HECW1: variants seen among roughly 807,000 people sequenced by gnomAD.
The protein encoded by HECW1 is E3 ubiquitin-protein ligase HECW1.
In HECW1, 61 loss-of-function variants were observed where a neutral mutation model predicts 182.3. The ratio of observed to expected loss-of-function variants is 0.33; its 90% CI spans 0.27 to 0.41. The LOEUF (loss-of-function observed/expected upper bound fraction) is 0.41. HECW1 is among the 10% of genes least tolerant of loss of function. The pLI is 1.00. For synonymous variants in HECW1, 859 were observed against 832.6 expected, an observed-to-expected ratio of 1.03 and a Z score of -0.55; for missense variants, 1,739 against 2,108.9, an observed-to-expected ratio of 0.82 and a Z score of 3.44.
chr7:43,409,439 A>G (rs2075724948), intron 8 of HECW1, among the ~76,000 whole-genome samples: 4 of 152,246 alleles, frequency 2.6e-5, no homozygotes, highest in Admixed American at 2.6e-4. Context: ...AACCTGTTCT[A>G]AGACATTTAG....
intron 13 of HECW1, among the ~76,000 whole-genome samples, chr7:43,461,594 T>G (rs1229996093): frequency 6.6e-6 from 1 of 152,190 alleles, no homozygotes; most frequent in Non-Finnish European, 1.5e-5. Context: ...CCTGCTTTCC[T>G]GCCATGGCTA....
At position 43,561,881 on chromosome 7, in the gene HECW1, G is replaced by T; in HGVS notation, c.4776G>T (p.Lys1592Asn). Residue 1592 changes from lysine (K) to asparagine (N), a missense_variant, in exon 30 of 30, where the codon AAG (lysine) becomes AAT (asparagine). Transcript: ENST00000395891. Reference protein sequence around the residue: ...PYPSYSMLYEKLLTAVEETST... With the variant: ...PYPSYSMLYENLLTAVEETST... ...CCTCGTACTCCATGTTGTATGAAAA[G>T]CTGTTAACAGCAGTAGAGGAAACCA... 6.2e-7 allele frequency: 1 copy of T among 1,614,060 alleles called. No individual in the cohort carries two copies. The highest frequency in any genetic ancestry group is 8.5e-7 in the Non-Finnish European group (1 of 1,179,896).
chr7:43,214,636 G>A (rs1283004197), intron 2 of HECW1, among the ~76,000 whole-genome samples: 1 of 152,138 alleles, frequency 6.6e-6, no homozygotes, highest in East Asian at 1.9e-4. Flanking sequence ...AGGAAATTAT[G>A]GCAAACTCAA....
intron 2 of HECW1, chr7:43,194,414 A>G (rs961021733): frequency 2.6e-5 from 4 of 152,294 alleles, no homozygotes; most frequent in South Asian, 2.1e-4. Flanking sequence ...ATGAAGAACC[A>G]TAAAGCTAGT....
chr7:43,156,292 A>G (rs1378623087), intron 2 of HECW1, among the ~76,000 whole-genome samples: 2 of 152,308 alleles, frequency 1.3e-5, no homozygotes, highest in South Asian at 2.1e-4. Flanking sequence ...TCTGGGACAG[A>G]GCAGGCCCCC....
At chr7:43,470,155 G>A (rs778977163) in intron 16 of HECW1, among the ~76,000 whole-genome samples, 1 of 152,214 alleles carries the variant, frequency 6.6e-6, no homozygotes, top group Non-Finnish European at 1.5e-5. Context: ...TGCTCCCTGG[G>A]ACCTTCTCAT....
At position 43,469,063 on chromosome 7, in the gene HECW1, A is replaced by ACTGCCCC; in HGVS notation, c.3058_3064dup (p.Arg1022ProfsTer29). 6.2e-7 allele frequency: 1 copy of ACTGCCCC among 1,614,188 alleles called. No individual in the cohort carries two copies. The highest frequency in any genetic ancestry group is 8.5e-7 in the Non-Finnish European group (1 of 1,180,020). On this transcript the variant is annotated frameshift_variant, in exon 16 of 30. Coordinates refer to ENST00000395891, the MANE Select transcript of HECW1 (RefSeq NM_015052.5). LOFTEE classifies it high-confidence loss of function. ...ACATGTTCGCAGACACTCGGCTGGA[A>ACTGCCCC]CTGCCCCGGGGCTGGGAGATCAAAA...
At chr7:43,455,392 C>A (rs1243907577) in intron 12 of HECW1, among the ~76,000 whole-genome samples, 1 of 152,164 alleles carries the variant, frequency 6.6e-6, no homozygotes, top group Non-Finnish European at 1.5e-5. Flanking sequence ...ATTAAGTTTA[C>A]TAAGTATAAG....
At chr7:43,358,795 AG>A (rs1420840246) in intron 5 of HECW1, among the ~76,000 whole-genome samples, 1 of 150,970 alleles carries the variant, frequency 6.6e-6, no homozygotes, top group Non-Finnish European at 1.5e-5. Context: ...GGCCCCAGGA[AG>A]GGAGGATCCT....
At chr7:43,214,600 G>A (rs1360965197) in intron 2 of HECW1, among the ~76,000 whole-genome samples, 4 of 152,124 alleles carry the variant, frequency 2.6e-5, no homozygotes, top group East Asian at 1.9e-4. Context: ...GGTGGTGATC[G>A]TTACTATGTC....
intron 5 of HECW1, among the ~76,000 whole-genome samples, chr7:43,351,812 G>C (rs1036434503): frequency 3.3e-5 from 5 of 151,618 alleles, no homozygotes; most frequent in Non-Finnish European, 7.4e-5. Flanking sequence ...CCTCCTGAGG[G>C]GTTTTACATT....
chr7:43,495,830 A>G (rs1380945098), intron 19 of HECW1, among the ~76,000 whole-genome samples: 2 of 152,082 alleles, frequency 1.3e-5, no homozygotes, highest in Non-Finnish European at 2.9e-5. Context: ...ATTTCCAGGG[A>G]TGTTGTATTA....
intron 2 of HECW1, among the ~76,000 whole-genome samples, chr7:43,242,193 T>A (rs918398091): frequency 6.6e-6 from 1 of 152,168 alleles, no homozygotes; most frequent in African/African-American, 2.4e-5. Flanking sequence ...AAGGGCGACA[T>A]CAGGTTTCCT....
intron 6 of HECW1, chr7:43,377,681 CA>C: frequency 4.9e-6 from 1 of 203,696 alleles, no homozygotes; most frequent in South Asian, 1.9e-4. Flanking sequence ...TTACTTACAG[CA>C]AAGATGGCAG....
At chr7:43,293,438 C>T (rs1805665207) in intron 3 of HECW1, among the ~76,000 whole-genome samples, 1 of 152,110 alleles carries the variant, frequency 6.6e-6, no homozygotes, top group Admixed American at 6.5e-5. Flanking sequence ...AGCCAAATTC[C>T]CATCTGCAGT....
rs568406921 is a variant in HECW1 at position 43,502,448 on chromosome 7, A to G, written c.3631+1126A>G. On this transcript the variant is annotated intron_variant, in intron 21 of 29. Coordinates refer to ENST00000395891, the MANE Select transcript of HECW1 (RefSeq NM_015052.5). ...GAGGTGGGCGGATCACTTGAGCCCA[A>G]GAGTTCGAGACCAGCCTGGGCCATA... Among the ~76,000 whole-genome samples the G allele has an allele frequency of 2.6e-5, 4 of 152,274 alleles. No homozygotes were observed. In the East Asian group the frequency reaches 7.7e-4, roughly 29 times the overall value.
intron 13 of HECW1, among the ~76,000 whole-genome samples, chr7:43,460,287 T>C (rs1031548091): frequency 6.6e-6 from 1 of 152,246 alleles, no homozygotes; most frequent in Admixed American, 6.5e-5. Flanking sequence ...TTCCATCTTA[T>C]CTTTTGATTT....
chr7:43,381,741 C>T (rs573124200), intron 6 of HECW1, among the ~76,000 whole-genome samples: 7 of 152,258 alleles, frequency 4.6e-5, no homozygotes, highest in East Asian at 3.9e-4. Flanking sequence ...CTAGGCTGGT[C>T]GCAAACTCTC....
intron 24 of HECW1, among the ~76,000 whole-genome samples, chr7:43,534,815 ACT>A (rs2081117842): frequency 6.6e-6 from 1 of 152,218 alleles, no homozygotes; most frequent in African/African-American, 2.4e-5. Context: ...CAGGCTAGCC[ACT>A]GTCAGCCCAA....
Sources: allele counts gnomAD v4.1 joint callset (sites outside exome capture counted in the v4.1 genomes callset), GRCh38; gene constraint gnomAD v4.1.1; transcripts MANE v1.5; gene names NCBI Gene and HGNC (gene_info 2026-07-23, HGNC 2026-07-21).